The following UBXN11 variants were observed in gnomAD, a reference collection of about 807,000 sequenced individuals.
UBXN11 encodes the protein UBX domain-containing protein 11.
UBXN11 carries 47 observed loss-of-function variants against 62.8 expected under a neutral mutation model. That is an observed-to-expected ratio of 0.75 (90% confidence interval 0.59 to 0.95). The LOEUF (loss-of-function observed/expected upper bound fraction) is 0.95, where lower values mean the gene tolerates loss of function less well. Among genes scored for constraint, UBXN11 ranks in the 40% least tolerant of loss-of-function variants. UBXN11 has a pLI of 0.00. For synonymous variants in UBXN11, 294 were observed against 267.0 expected, an observed-to-expected ratio of 1.10 and a Z score of -0.99; for missense variants, 638 against 661.7, an observed-to-expected ratio of 0.96 and a Z score of 0.39.
chr1:26,282,671 G>T lies in UBXN11; in HGVS notation c.1270C>A (p.Arg424=), dbSNP rs752163039. 1 of 1,614,086 alleles carries T rather than the reference G, an allele frequency of 6.2e-7. No individual in the cohort carries two copies. The highest frequency in any genetic ancestry group is 8.5e-7 in the Non-Finnish European group (1 of 1,180,026). Residue 424 remains arginine, a synonymous_variant, in exon 14 of 15, where the codon CGA becomes AGA. Transcript: ENST00000374222. ...CACCTGGCCTGCGCTAGCAGAGCTCGCACGTCCCCAATGGTGTTGTCAGGC... is the reference window on the plus strand; with the variant it reads ...CACCTGGCCTGCGCTAGCAGAGCTCTCACGTCCCCAATGGTGTTGTCAGGC... The part of the protein sequence containing the change: ...MQPDNTIGDV[R]ALLAQARVMD...
intron 1 of UBXN11, among the ~76,000 whole-genome samples, chr1:26,304,723 A>G (rs1294382768): frequency 2.0e-5 from 3 of 152,148 alleles, no homozygotes; most frequent in Admixed American, 6.5e-5. Flanking sequence ...ATTGCACTCC[A>G]GCCTGGGTGA....
chr1:26,289,820 C>T (rs891540400), intron 8 of UBXN11, among the ~76,000 whole-genome samples: 6 of 152,214 alleles, frequency 3.9e-5, no homozygotes, highest in East Asian at 1.9e-4. Flanking sequence ...CACGCGGTGC[C>T]GCCCTCCATG....
At chr1:26,306,830 G>T (rs1426373088), upstream of UBXN11, 3 of 41,220 alleles carry the variant, frequency 7.3e-5, no homozygotes, top group East Asian at 9.2e-4. Context: ...GGGGCGGGGT[G>T]GGGGGGGGGG....
chr1:26,293,644 T>C (rs1373412990), intron 8 of UBXN11, among the ~76,000 whole-genome samples: 1 of 142,354 alleles, frequency 7.0e-6, no homozygotes, highest in Non-Finnish European at 1.5e-5. Context: ...GAGAATTGCT[T>C]GAACCTGGGA....
intron 8 of UBXN11, among the ~76,000 whole-genome samples, chr1:26,292,010 G>A (rs768149329): frequency 3.6e-4 from 55 of 152,148 alleles, no homozygotes; most frequent in Non-Finnish European, 5.0e-4. Flanking sequence ...CCAAGGCCAC[G>A]GATTCTACTT....
upstream of UBXN11, among the ~76,000 whole-genome samples, chr1:26,310,908 C>T (rs1439884418): frequency 6.6e-6 from 1 of 151,828 alleles, no homozygotes; most frequent in Non-Finnish European, 1.5e-5. Context: ...GCCTTGGAGA[C>T]CCATCCGACC....
At position 26,285,826 on chromosome 1, in the gene UBXN11, T is replaced by TGTG. The variant is rs1557680473; in HGVS notation, c.768_770dup (p.Thr257dup). 6.2e-7 allele frequency: 1 copy of TGTG among 1,604,538 alleles called. No individual in the cohort carries two copies. The highest frequency in any genetic ancestry group is 1.7e-5 in the Admixed American group (1 of 59,732). The stretch of plus-strand genomic sequence containing the variant: ...CCCCCCCCAACACCGCTCCTACCTG[T>TGTG]GTGGAGGGATCGTAGAAGGGCTGGA... On this transcript the variant is annotated inframe_insertion, in exon 9 of 15. Transcript: ENST00000374222.
chr1:26,290,848 G>C (rs4659369), intron 8 of UBXN11, among the ~76,000 whole-genome samples: 7 of 151,772 alleles, frequency 4.6e-5, no homozygotes, highest in African/African-American at 1.7e-4. Context: ...GCAGAGGGTG[G>C]GGGGGAAGGG....
chr1:26,283,042 G>T, intron 12 of UBXN11, 105 bp from the exon 13 acceptor site: 1 of 1,435,400 alleles, frequency 7.0e-7, no homozygotes, highest in Non-Finnish European at 9.7e-7. Context: ...TGAGACCAGT[G>T]AGCAAAGCGG....
At chr1:26,295,523 G>A (rs1029341582) in intron 7 of UBXN11, among the ~76,000 whole-genome samples, 5 of 151,988 alleles carry the variant, frequency 3.3e-5, no homozygotes, top group East Asian at 1.9e-4. Context: ...AGGCCCCCAC[G>A]ACCTCTTCTC....
rs755065764 is a variant in UBXN11, at chr1:26,282,362, GCCGGGA to G, written c.1494_1499del (p.Gly500_Pro501del). 6.9e-5 allele frequency: 38 copies of G among 549,188 alleles called. 3 individuals carry two copies. In the South Asian group the frequency reaches 8.7e-4, roughly 13 times the overall value. The allele number at this position is 549,188 out of a possible 1,614,324, so 34.0% of individuals were successfully genotyped here. A position where few individuals can be genotyped will look rare whatever the true frequency, so the allele number is the denominator to read the frequency against. Reference sequence around the variant, plus strand: ...GGCCGGGACCGGGACCGGGACTGGGGCCGGGACCGGGACCGGGACTGGGGCCGGGAC... The same window carrying G: ...GGCCGGGACCGGGACCGGGACTGGGGCCGGGACCGGGACTGGGGCCGGGAC... On this transcript the variant is annotated inframe_deletion, in exon 15 of 15. Transcript: ENST00000374222.
At chr1:26,292,727 G>A (rs888949658) in intron 8 of UBXN11, among the ~76,000 whole-genome samples, 10 of 151,850 alleles carry the variant, frequency 6.6e-5, no homozygotes, top group Admixed American at 2.0e-4. Context: ...GGTGGTGGGC[G>A]CCTGTAATCC....
At chr1:26,290,465 C>T (rs980456318) in intron 8 of UBXN11, among the ~76,000 whole-genome samples, 5 of 152,102 alleles carry the variant, frequency 3.3e-5, no homozygotes, top group Admixed American at 6.6e-5. Flanking sequence ...AGTTTGCTGG[C>T]GGAGGTTGGA....
intron 1 of UBXN11, among the ~76,000 whole-genome samples, chr1:26,305,399 A>G (rs150992704): frequency 1.1e-3 from 165 of 152,312 alleles, no homozygotes; most frequent in African/African-American, 3.6e-3. Flanking sequence ...TTTTTAGTAT[A>G]TTCACAGAGC....
intron 1 of UBXN11, among the ~76,000 whole-genome samples, chr1:26,312,050 C>G (rs961804781): frequency 1.3e-5 from 2 of 152,208 alleles, no homozygotes; most frequent in South Asian, 4.1e-4. Flanking sequence ...TTCCAGAAAC[C>G]GTCATGTTCT....
intron 8 of UBXN11, 135 bp from the exon 9 acceptor site, chr1:26,286,172 A>C: frequency 1.4e-6 from 1 of 699,740 alleles, no homozygotes. Context: ...GAAAAGGACA[A>C]CGCTAGATAA....
rs2073036789 is a variant in UBXN11, at chr1:26,282,975, C to T, written c.1078-38G>A. The T allele has an allele frequency of 1.9e-6, 3 of 1,613,378 alleles. No homozygotes were observed. In the African/African-American group the frequency reaches 4.0e-5, roughly 22 times the overall value. On this transcript the variant is annotated intron_variant, in intron 12 of 14. Transcript: ENST00000374222. ...AGTGGAGGGTGGACAGAGCCCTAGG[C>T]CCCATTTGAGTCATCCCCACAAACC...
intron 4 of UBXN11, among the ~76,000 whole-genome samples, chr1:26,298,324 G>T (rs2073445220): frequency 6.6e-6 from 1 of 152,188 alleles, no homozygotes; most frequent in Non-Finnish European, 1.5e-5. Flanking sequence ...CAAGGAAGTG[G>T]TGTAACATAT....
intron 1 of UBXN11, chr1:26,317,873 C>T (rs2073814958): frequency 2.9e-6 from 2 of 688,112 alleles, no homozygotes; most frequent in Non-Finnish European, 5.2e-6. Context: ...CCCTCCTCCA[C>T]CTTGTAAGCC....
Sources: allele counts gnomAD v4.1 joint callset (sites outside exome capture counted in the v4.1 genomes callset), GRCh38; gene constraint gnomAD v4.1.1; transcripts MANE v1.5; gene names NCBI Gene and HGNC (gene_info 2026-07-23, HGNC 2026-07-21).